EFNA5: variants seen among roughly 807,000 people sequenced by gnomAD.
EFNA5 encodes the protein ephrin A5, also known as ephrin-A5.
EFNA5 carries 5 observed loss-of-function variants against 22.9 expected under a neutral mutation model. The observed-to-expected ratio is 0.22, with a 90% confidence interval of 0.11 to 0.46. The LOEUF (loss-of-function observed/expected upper bound fraction) is 0.46. Among genes scored for constraint, EFNA5 ranks in the 20% least tolerant of loss-of-function variants. The pLI is 0.99. For missense variants in EFNA5, 237 were observed against 293.3 expected (o/e 0.81, Z 1.40); for synonymous variants, 113 against 112.2 (o/e 1.01, Z -0.04).
intron 1 of EFNA5, among the ~76,000 whole-genome samples, chr5:107,476,057 T>TATATATATATATATATATATATA: frequency 2.2e-4 from 22 of 100,354 alleles, no homozygotes; most frequent in African/African-American, 5.0e-4. Flanking sequence ...TATATATATA[T>TATATATATATATATATATATATA]TTTTTTTTTT....
intron 2 of EFNA5, among the ~76,000 whole-genome samples, chr5:107,388,211 G>A (rs533819129): frequency 6.6e-6 from 1 of 152,298 alleles, no homozygotes; most frequent in South Asian, 2.1e-4. Context: ...ATAACAGAGA[G>A]TTACAAGGCA....
chr5:107,555,767 A>T (rs1748397516), intron 1 of EFNA5, among the ~76,000 whole-genome samples: 1 of 152,252 alleles, frequency 6.6e-6, no homozygotes, highest in Admixed American at 6.5e-5. Context: ...TTTATTAAGT[A>T]GCAACTTGCT....
chr5:107,508,880 T>G (rs1382003453), intron 1 of EFNA5, among the ~76,000 whole-genome samples: 1 of 152,254 alleles, frequency 6.6e-6, no homozygotes, highest in Non-Finnish European at 1.5e-5. Context: ...ATTCATTACT[T>G]GAAACATTTC....
intron 1 of EFNA5, among the ~76,000 whole-genome samples, chr5:107,441,307 T>G (rs1389617141): frequency 6.6e-6 from 1 of 152,152 alleles, no homozygotes; most frequent in Non-Finnish European, 1.5e-5. Flanking sequence ...GTGAGCAGAT[T>G]AGAAGCACAA....
intron 1 of EFNA5, among the ~76,000 whole-genome samples, chr5:107,574,978 T>C (rs763055211): frequency 6.6e-6 from 1 of 152,210 alleles, no homozygotes; most frequent in Non-Finnish European, 1.5e-5. Flanking sequence ...AGGACACCCC[T>C]GTCTAATATG....
intron 1 of EFNA5, among the ~76,000 whole-genome samples, chr5:107,594,197 C>T (rs140430479): frequency 3.5e-4 from 54 of 152,302 alleles, no homozygotes; most frequent in African/African-American, 1.2e-3. Flanking sequence ...AATTGTGAGG[C>T]TCTTTTATCA....
intron 1 of EFNA5, among the ~76,000 whole-genome samples, chr5:107,512,890 A>G (rs1747401616): frequency 6.6e-6 from 1 of 152,206 alleles, no homozygotes; most frequent in African/African-American, 2.4e-5. Flanking sequence ...GGAGAGAATC[A>G]ACTGTAAATT....
chr5:107,626,690 C>T (rs1304680093), intron 1 of EFNA5, among the ~76,000 whole-genome samples: 1 of 152,208 alleles, frequency 6.6e-6, no homozygotes, highest in Admixed American at 6.5e-5. Context: ...ATAACTCTGG[C>T]ATTACATATA....
At chr5:107,579,585 G>GAAT (rs140544206) in intron 1 of EFNA5, among the ~76,000 whole-genome samples, 11 of 151,104 alleles carry the variant, frequency 7.3e-5, no homozygotes, top group Non-Finnish European at 1.5e-4. Flanking sequence ...TTCCATACCA[G>GAAT]AATAATAATA....
At chr5:107,587,299 G>A (rs951881318) in intron 1 of EFNA5, among the ~76,000 whole-genome samples, 1 of 151,978 alleles carries the variant, frequency 6.6e-6, no homozygotes, top group Admixed American at 6.5e-5. Context: ...GAAGCCTCTT[G>A]GCCTCCAAAG....
chr5:107,578,829 C>A (rs556959960), intron 1 of EFNA5, among the ~76,000 whole-genome samples: 1 of 152,154 alleles, frequency 6.6e-6, no homozygotes, highest in Admixed American at 6.5e-5. Context: ...AGGGAGCCTG[C>A]GATGATATGG....
chr5:107,606,387 G>C (rs1452852302), intron 1 of EFNA5, among the ~76,000 whole-genome samples: 1 of 152,138 alleles, frequency 6.6e-6, no homozygotes, highest in African/African-American at 2.4e-5. Flanking sequence ...GGGTGAATGA[G>C]TACATGAAGC....
intron 1 of EFNA5, among the ~76,000 whole-genome samples, chr5:107,622,613 A>C (rs910094965): frequency 6.6e-6 from 1 of 152,150 alleles, no homozygotes; most frequent in Non-Finnish European, 1.5e-5. Context: ...CGGTTTACCT[A>C]CGTTCTCTAA....
chr5:107,464,454 G>A (rs1749923292), intron 1 of EFNA5, among the ~76,000 whole-genome samples: 1 of 152,144 alleles, frequency 6.6e-6, no homozygotes, highest in South Asian at 2.1e-4. Flanking sequence ...ATCGATTGTT[G>A]TGTACATCCT....
At chr5:107,582,216 T>C (rs1749087099) in intron 1 of EFNA5, among the ~76,000 whole-genome samples, 2 of 152,240 alleles carry the variant, frequency 1.3e-5, no homozygotes, top group Non-Finnish European at 2.9e-5. Context: ...TCAAATGTTT[T>C]TGATATGCTA....
intron 1 of EFNA5, among the ~76,000 whole-genome samples, chr5:107,528,053 C>T (rs1329510179): frequency 1.3e-5 from 2 of 152,234 alleles, no homozygotes; most frequent in African/African-American, 2.4e-5. Context: ...TGTCAAGTCA[C>T]TGTTAGCACA....
chr5:107,641,021 T>TCGATAGATAGAC (rs1750494297), intron 1 of EFNA5, among the ~76,000 whole-genome samples: 1 of 111,944 alleles, frequency 8.9e-6, no homozygotes, highest in African/African-American at 3.0e-5. Context: ...GATAGATAGA[T>TCGATAGATAGAC]AGACAGACAG....
chr5:107,399,314 GAAACGGAAAGGA>G lies in EFNA5; in HGVS notation c.419-11555_419-11544del, dbSNP rs1341959872. Among the ~76,000 whole-genome samples the G allele has an allele frequency of 2.1e-3, 301 of 140,282 alleles. 2 individuals carry two copies. The highest frequency in any genetic ancestry group is 7.5e-3 in the African/African-American group (281 of 37,576). The allele number at this position is 140,282 out of a possible 152,430, so 92.0% of individuals were successfully genotyped here. ...CTAAAGAAGGAAGGAAGGAAGGAAGGAAACGGAAAGGAAAGGAAAGGAAAGGAAAGGAAAGGA... is the reference window on the plus strand; with the variant it reads ...CTAAAGAAGGAAGGAAGGAAGGAAGGAAGGAAAGGAAAGGAAAGGAAAGGA... On this transcript the variant is annotated intron_variant, in intron 2 of 4. Coordinates refer to ENST00000333274, the MANE Select transcript of EFNA5 (RefSeq NM_001962.3).
intron 1 of EFNA5, among the ~76,000 whole-genome samples, chr5:107,566,206 G>A (rs1748664603): frequency 6.6e-6 from 1 of 152,178 alleles, no homozygotes; most frequent in Non-Finnish European, 1.5e-5. Flanking sequence ...CAATCCCTGG[G>A]CCTTCATAAA....
Sources: allele counts gnomAD v4.1 joint callset (sites outside exome capture counted in the v4.1 genomes callset), GRCh38; gene constraint gnomAD v4.1.1; transcripts MANE v1.5; gene names NCBI Gene and HGNC (gene_info 2026-07-23, HGNC 2026-07-21).